The following FBXO21 variants were observed in gnomAD, a reference collection of about 807,000 sequenced individuals.
FBXO21 encodes the protein F-box only protein 21.
Under a neutral mutation model 76.6 loss-of-function variants are expected in FBXO21, and 32 were observed. The ratio of observed to expected loss-of-function variants is 0.42; its 90% CI spans 0.32 to 0.56. The LOEUF (loss-of-function observed/expected upper bound fraction) is 0.56, where lower values mean the gene tolerates loss of function less well. FBXO21 is among the 20% of genes least tolerant of loss of function. The pLI is 0.16. For missense variants in FBXO21, 586 were observed against 797.3 expected (o/e 0.73, Z 3.19); for synonymous variants, 328 against 311.5 (o/e 1.05, Z -0.56).
chr12:117,163,352 G>C (rs1259247797), intron 9 of FBXO21, among the ~76,000 whole-genome samples: 2 of 151,890 alleles, frequency 1.3e-5, no homozygotes, highest in African/African-American at 4.8e-5. Context: ...GGCCAACAGG[G>C]TGAAACCCCA....
rs1201179991 is a variant in FBXO21, at chr12:117,145,261, A to T, written c.*826T>A. On this transcript the variant is annotated 3_prime_UTR_variant, in exon 12 of 12. Coordinates refer to ENST00000622495, the MANE Select transcript of FBXO21 (RefSeq NM_015002.3). ...TCATGATACTGAAGTAGATTTTTTAAATTAAAAAATAAAAGTAGTCATTTA... is the reference window on the plus strand; with the variant it reads ...TCATGATACTGAAGTAGATTTTTTATATTAAAAAATAAAAGTAGTCATTTA... 6.6e-6 allele frequency: 1 copy of T among 152,068 alleles called. No homozygotes were observed. Among genetic ancestry groups the T allele is most frequent in the Non-Finnish European group, 1.5e-5 (1 of 68,010 alleles). 9.4% of individuals were successfully genotyped at this position (152,068 alleles called of 1,614,324 possible).
At chr12:117,147,594 T>C (rs1200571062) in intron 11 of FBXO21, among the ~76,000 whole-genome samples, 1 of 70,098 alleles carries the variant, frequency 1.4e-5, no homozygotes. Context: ...CAAGACTCCA[T>C]CTCAAAAAAA....
intron 7 of FBXO21, among the ~76,000 whole-genome samples, chr12:117,167,469 G>A (rs1464848494): frequency 8.5e-5 from 13 of 152,136 alleles, no homozygotes; most frequent in African/African-American, 2.9e-4. Flanking sequence ...AACCTCAGCC[G>A]GGCGTGGTGG....
In FBXO21 at chr12:117,182,564, C is replaced by CTTTTTT. The variant is rs891529583; in HGVS notation, c.470+3907_470+3912dup. On this transcript the variant is annotated intron_variant, in intron 3 of 11. Coordinates refer to ENST00000622495, the MANE Select transcript of FBXO21 (RefSeq NM_015002.3). ...CATTGGGAGGCCACAGCAAGAGGAT[C>CTTTTTT]TTTTTTTTTTTTTTTTTTTTTTTGG... Among the ~76,000 whole-genome samples the CTTTTTT allele has an allele frequency of 3.2e-3, 268 of 83,304 alleles. 5 individuals carry two copies. The highest frequency in any genetic ancestry group is 0.013 in the Middle Eastern group (1 of 78). The allele number at this position is 83,304 out of a possible 152,430, so 54.7% of individuals were successfully genotyped here.
In FBXO21 at chr12:117,144,037, G is replaced by A. The variant is rs988893871; in HGVS notation, c.*2050C>T. On this transcript the variant is annotated 3_prime_UTR_variant, in exon 12 of 12. Coordinates refer to ENST00000622495, the MANE Select transcript of FBXO21 (RefSeq NM_015002.3). ...TGCCCAAATACCAACTTACACAGGT[G>A]ATACAGGCTTCCTGGAGCCCCATGA... 1.3e-5 allele frequency: 2 copies of A among 152,614 alleles called. No individual in the cohort carries two copies. The highest frequency in any genetic ancestry group is 1.3e-4 in the Admixed American group (2 of 15,278). The allele number at this position is 152,614 out of a possible 1,614,324, so 9.5% of individuals were successfully genotyped here.
intron 3 of FBXO21, among the ~76,000 whole-genome samples, 191 bp downstream of exon 3, chr12:117,186,286 T>C (rs1029125675): frequency 1.3e-5 from 2 of 152,252 alleles, no homozygotes; most frequent in African/African-American, 4.8e-5. Context: ...AAAGGATTTT[T>C]GTAAGGTTTC....
intron 7 of FBXO21, among the ~76,000 whole-genome samples, chr12:117,168,787 C>T (rs749810270): frequency 6.6e-6 from 1 of 152,086 alleles, no homozygotes; most frequent in Non-Finnish European, 1.5e-5. Flanking sequence ...CTGCAACAAT[C>T]GAAGGAGAGT....
chr12:117,184,878 A>C (rs1956267898), intron 3 of FBXO21, among the ~76,000 whole-genome samples: 1 of 152,246 alleles, frequency 6.6e-6, no homozygotes. Flanking sequence ...AATGAGAAAA[A>C]ACAATATAGA....
intron 11 of FBXO21, among the ~76,000 whole-genome samples, chr12:117,151,058 T>C (rs1053961120): frequency 1.3e-5 from 2 of 151,444 alleles, no homozygotes; most frequent in Non-Finnish European, 2.9e-5. Flanking sequence ...TCAAATAAGT[T>C]ATGGAAAAGG....
intron 8 of FBXO21, among the ~76,000 whole-genome samples, chr12:117,166,088 G>A (rs1956050277): frequency 6.6e-6 from 1 of 151,692 alleles, no homozygotes; most frequent in South Asian, 2.1e-4. Context: ...TACTCAGGAA[G>A]CTGAGGCAGG....
At chr12:117,151,675 C>T (rs913169900) in intron 11 of FBXO21, among the ~76,000 whole-genome samples, 1 of 151,880 alleles carries the variant, frequency 6.6e-6, no homozygotes, top group African/African-American at 2.4e-5. Flanking sequence ...AATTGTCCCA[C>T]GTGATTATAA....
At chr12:117,186,048 A>AT (rs369588989) in intron 3 of FBXO21, among the ~76,000 whole-genome samples, 1 of 151,980 alleles carries the variant, frequency 6.6e-6, no homozygotes, top group Non-Finnish European at 1.5e-5. Context: ...AATTTTTTGT[A>AT]TTTTTTTAAG....
intron 1 of FBXO21, 61 bp downstream of exon 1, chr12:117,190,157 C>T: frequency 2.1e-6 from 2 of 961,282 alleles, no homozygotes; most frequent in Non-Finnish European, 2.5e-6. Flanking sequence ...GGGGCGGCTG[C>T]CCGGCCCCGG....
At chr12:117,155,030 T>C (rs4767504) in intron 11 of FBXO21, 55,166 of 152,176 alleles carry the variant, frequency 0.36, 11,653 homozygotes, top group Admixed American at 0.54. Context: ...TAGAATGATG[T>C]CCGTCACAGA....
At position 117,168,927 on chromosome 12, in the gene FBXO21, GGC is replaced by G. The variant is rs1428803708; in HGVS notation, c.1014-1852_1014-1851del. 3.9e-5 allele frequency among the ~76,000 whole-genome samples: 6 copies of G among 152,270 alleles called. No homozygotes were observed. The East Asian group carries it at 1.2e-3, about 29-fold the overall frequency. ...GAAGAGAGTGTGGTGATTCCTCAAA[GGC>G]CTGAAGACAGCTAAACCATTTGACC... On this transcript the variant is annotated intron_variant, in intron 7 of 11. Coordinates refer to ENST00000622495, the MANE Select transcript of FBXO21 (RefSeq NM_015002.3).
At chr12:117,172,157 CAG>C (rs549334395) in intron 7 of FBXO21, among the ~76,000 whole-genome samples, 16 of 152,320 alleles carry the variant, frequency 1.1e-4, no homozygotes, top group Non-Finnish European at 1.8e-4. Flanking sequence ...ACCCTGAAAT[CAG>C]AGTCTTATTT....
intron 11 of FBXO21, among the ~76,000 whole-genome samples, chr12:117,153,956 A>G (rs1386573589): frequency 6.6e-6 from 1 of 152,268 alleles, no homozygotes; most frequent in Admixed American, 6.5e-5. Context: ...AACATATCAC[A>G]ACCCCTAAAA....
At chr12:117,157,390 C>T (rs1315503496) in intron 10 of FBXO21, among the ~76,000 whole-genome samples, 2 of 152,114 alleles carry the variant, frequency 1.3e-5, no homozygotes, top group African/African-American at 2.4e-5. Flanking sequence ...GGCAATAGCA[C>T]CAGGCGAGAA....
At chr12:117,181,571 C>T (rs982631303) in intron 3 of FBXO21, among the ~76,000 whole-genome samples, 2 of 141,526 alleles carry the variant, frequency 1.4e-5, no homozygotes, top group African/African-American at 5.6e-5. Context: ...GACAGTCTAT[C>T]GATCGATCGA....
Sources: allele counts gnomAD v4.1 joint callset (sites outside exome capture counted in the v4.1 genomes callset), GRCh38; gene constraint gnomAD v4.1.1; transcripts MANE v1.5; gene names NCBI Gene and HGNC (gene_info 2026-07-23, HGNC 2026-07-21).